Variants in GLRB observed in about 807,000 individuals in gnomAD.
GLRB encodes the protein glycine receptor beta, also known as glycine receptor subunit beta.
In GLRB, 33 loss-of-function variants were observed where a neutral mutation model predicts 54.2. The observed-to-expected ratio is 0.61, with a 90% confidence interval of 0.46 to 0.81. GLRB has a LOEUF of 0.81. Among genes scored for constraint, GLRB ranks in the 40% least tolerant of loss-of-function variants. The pLI, the probability that GLRB is intolerant of heterozygous loss-of-function variation, is 0.00. For missense variants in GLRB, 572 were observed against 584.6 expected, an observed-to-expected ratio of 0.98 and a Z score of 0.22; for synonymous variants, 209 against 208.2, an observed-to-expected ratio of 1.00 and a Z score of -0.03.
chr4:157,098,463 C>A (rs1734893746), intron 2 of GLRB, among the ~76,000 whole-genome samples: 2 of 152,056 alleles, frequency 1.3e-5, no homozygotes, highest in Admixed American at 6.6e-5. Flanking sequence ...CTGGAAGGAA[C>A]CAGCTGCTGG....
intron 9 of GLRB, among the ~76,000 whole-genome samples, chr4:157,170,045 T>C (rs187300602): frequency 1.4e-3 from 214 of 152,250 alleles, no homozygotes; most frequent in African/African-American, 4.8e-3. Flanking sequence ...TATCAGAACA[T>C]TTTTATAATC....
At chr4:157,106,340 G>A (rs774938563) in intron 2 of GLRB, among the ~76,000 whole-genome samples, 1 of 152,014 alleles carries the variant, frequency 6.6e-6, no homozygotes, top group Non-Finnish European at 1.5e-5. Context: ...CTCTGTTTTT[G>A]CTCTTGACAA....
In GLRB at chr4:157,170,663, G is replaced by T. The variant is rs945350125; in HGVS notation, c.1429G>T (p.Ala477Ser). The change falls in exon 10 of 10, where the codon GCA (alanine) becomes TCA (serine). Residue 477 changes from alanine to serine, a missense_variant. Ala to Ser is a moderately conservative substitution (Grantham distance 99). Coordinates refer to ENST00000264428, the MANE Select transcript of GLRB (RefSeq NM_000824.5). Reference protein sequence around the residue: ...PTAAKRIDLYARALFPFCFLF... With the variant: ...PTAAKRIDLYSRALFPFCFLF... ...AGCAGCAAAGCGAATTGATCTTTAT[G>T]CAAGAGCATTGTTTCCTTTCTGCTT... The T allele has an allele frequency of 2.5e-6, 4 of 1,608,298 alleles. No homozygotes were observed. In the African/African-American group the frequency reaches 4.0e-5, roughly 16 times the overall value.
rs10049569 is a variant in GLRB, at chr4:157,094,871, C to G, written c.122+16725C>G. ...TATTTCTAGTGTATACAGTACTCAA[C>G]AGAAATGTGTACATGTTTACCAAAA... On this transcript the variant is annotated intron_variant, in intron 2 of 9. Transcript: ENST00000264428. 4.4e-3 allele frequency among the ~76,000 whole-genome samples: 664 copies of G among 151,816 alleles called. 4 individuals are homozygous for G. The highest frequency in any genetic ancestry group is 0.015 in the African/African-American group (613 of 41,376).
At chr4:157,142,250 T>C (rs1736645111) in intron 7 of GLRB, among the ~76,000 whole-genome samples, 1 of 152,112 alleles carries the variant, frequency 6.6e-6, no homozygotes, top group Non-Finnish European at 1.5e-5. Flanking sequence ...GATTTTTCAT[T>C]GTTATGTTTT....
At chr4:157,112,406 GA>G (rs1206338148) in intron 2 of GLRB, among the ~76,000 whole-genome samples, 2 of 151,784 alleles carry the variant, frequency 1.3e-5, no homozygotes, top group Admixed American at 1.3e-4. Context: ...GAAATTCTCT[GA>G]AACTGTTAAA....
chr4:157,122,470 G>T, intron 4 of GLRB, 73 bp downstream of exon 4: 1 of 606,588 alleles, frequency 1.6e-6, no homozygotes, highest in South Asian at 2.2e-5. Flanking sequence ...CATTAAAATT[G>T]AACAATAAGG....
intron 6 of GLRB, among the ~76,000 whole-genome samples, chr4:157,137,566 G>A (rs898840415): frequency 6.6e-6 from 1 of 151,762 alleles, no homozygotes; most frequent in African/African-American, 2.4e-5. Flanking sequence ...TCTTCAGAGA[G>A]TAAAGAATAA....
In GLRB at chr4:157,170,927, A is replaced by G. The variant is rs1386440173; in HGVS notation, c.*199A>G. Reference sequence around the variant, plus strand: ...TATCTGTGCTCTAATAACGATGTATATATGTATAGTGAACATATTGCTTAG... The same window carrying G: ...TATCTGTGCTCTAATAACGATGTATGTATGTATAGTGAACATATTGCTTAG... On this transcript the variant is annotated 3_prime_UTR_variant, in exon 10 of 10. Coordinates refer to ENST00000264428, the MANE Select transcript of GLRB (RefSeq NM_000824.5). 1 of 500,436 alleles carries G rather than the reference A, an allele frequency of 2.0e-6. No individual in the cohort carries two copies. Among genetic ancestry groups the G allele is most frequent in the Admixed American group, 3.6e-5 (1 of 27,980 alleles). 31.0% of individuals were successfully genotyped at this position (500,436 alleles called of 1,614,324 possible). A position where few individuals can be genotyped will look rare whatever the true frequency, so the allele number is the denominator to read the frequency against.
chr4:157,109,790 A>G (rs1359218204), intron 2 of GLRB, among the ~76,000 whole-genome samples: 2 of 151,938 alleles, frequency 1.3e-5, no homozygotes, highest in African/African-American at 4.8e-5. Context: ...ACTTCACTTC[A>G]CTTATTTTTA....
In GLRB at chr4:157,087,402, G is replaced by A. The variant is rs189556194; in HGVS notation, c.122+9256G>A. ...GAGTCTCAGTTTTCTCATTTGTATA[G>A]TGAAAAGTTTGATCTCAATAATCTC... On this transcript the variant is annotated intron_variant, in intron 2 of 9. Coordinates refer to ENST00000264428, the MANE Select transcript of GLRB (RefSeq NM_000824.5). Among the ~76,000 whole-genome samples the A allele has an allele frequency of 2.6e-5, 4 of 152,162 alleles. No homozygotes were observed. In the South Asian group the frequency reaches 8.3e-4, roughly 32 times the overall value.
At chr4:157,110,588 TA>T (rs1346411410) in intron 2 of GLRB, among the ~76,000 whole-genome samples, 1 of 152,094 alleles carries the variant, frequency 6.6e-6, no homozygotes, top group African/African-American at 2.4e-5. Flanking sequence ...CTGTTTGTTT[TA>T]AATTTTCTGT....
chr4:157,115,149 C>T (rs1437921980), intron 2 of GLRB, among the ~76,000 whole-genome samples: 1 of 151,306 alleles, frequency 6.6e-6, no homozygotes, highest in East Asian at 2.0e-4. Context: ...TACTATAATA[C>T]AATACTACTT....
Position 157,095,305 on chromosome 4 carries a change from CAAA to C in GLRB, c.122+17173_122+17175del, listed in dbSNP as rs59570434. 0.011 allele frequency among the ~76,000 whole-genome samples: 883 copies of C among 79,190 alleles called. 15 individuals carry two copies. In the East Asian group the frequency reaches 0.15, roughly 14 times the overall value. 52.0% of individuals were successfully genotyped at this position (79,190 alleles called of 152,430 possible). On this transcript the variant is annotated intron_variant, in intron 2 of 9. Transcript: ENST00000264428. ...GTGATTCCCACGTTTTGTGCCTGAG[CAAA>C]AAAAAAAAAAAAAGGTTTTTATTTA...
At chr4:157,164,265 G>A (rs1294651995) in intron 9 of GLRB, among the ~76,000 whole-genome samples, 1 of 152,052 alleles carries the variant, frequency 6.6e-6, no homozygotes, top group Admixed American at 6.6e-5. Flanking sequence ...AAAGCATACT[G>A]TTTGTGAGAA....
chr4:157,156,926 C>A (rs1737250564), intron 9 of GLRB, among the ~76,000 whole-genome samples: 1 of 152,108 alleles, frequency 6.6e-6, no homozygotes, highest in Admixed American at 6.6e-5. Context: ...TTTTAACTTG[C>A]TTTCTCTGGC....
At chr4:157,168,624 T>G (rs1012085636) in intron 9 of GLRB, among the ~76,000 whole-genome samples, 7 of 152,196 alleles carry the variant, frequency 4.6e-5, no homozygotes, top group African/African-American at 1.7e-4. Flanking sequence ...TTACATCTTT[T>G]TTTTCAAATA....
At chr4:157,124,379 C>T (rs1443151597) in intron 4 of GLRB, among the ~76,000 whole-genome samples, 1 of 151,718 alleles carries the variant, frequency 6.6e-6, no homozygotes, top group Non-Finnish European at 1.5e-5. Context: ...TTAATAGCTT[C>T]TATACTGTAA....
intron 2 of GLRB, among the ~76,000 whole-genome samples, chr4:157,115,244 T>C (rs1375862452): frequency 1.3e-5 from 2 of 150,356 alleles, no homozygotes; most frequent in Non-Finnish European, 3.0e-5. Context: ...CATATTTCCA[T>C]TATGGTGTTT....
Sources: gnomAD v4.1 joint callset for allele counts (sites outside exome capture counted in the v4.1 genomes callset) on GRCh38, gnomAD v4.1.1 for gene constraint, MANE v1.5 for transcripts, NCBI Gene and HGNC (gene_info 2026-07-23, HGNC 2026-07-21) for gene names.